Variants in GFM1 observed in about 807,000 individuals in gnomAD.
The protein encoded by GFM1 is G elongation factor mitochondrial 1.
Under a neutral mutation model 96.2 loss-of-function variants are expected in GFM1, and 62 were observed. The ratio of observed to expected loss-of-function variants is 0.64; its 90% CI spans 0.53 to 0.80. The LOEUF is 0.80. GFM1 is among the 30% of genes least tolerant of loss of function. The probability of loss-of-function intolerance (pLI) is 0.00; values close to 1 mark genes in which losing one functional copy is unlikely to be tolerated. For missense variants in GFM1, 852 were observed against 916.6 expected (o/e 0.93, Z 0.91); for synonymous variants, 282 against 312.9 (o/e 0.90, Z 1.04).
intron 11 of GFM1, among the ~76,000 whole-genome samples, chr3:158,663,757 CTG>C (rs1289180340): frequency 6.6e-6 from 1 of 152,174 alleles, no homozygotes; most frequent in Non-Finnish European, 1.5e-5. Context: ...AGGCATTTAA[CTG>C]TTGATAATTT....
intron 7 of GFM1, among the ~76,000 whole-genome samples, chr3:158,654,162 T>A (rs1447005353): frequency 6.6e-6 from 1 of 151,998 alleles, no homozygotes; most frequent in African/African-American, 2.4e-5. Context: ...TTAGTGTACT[T>A]TTGTCCTATC....
chr3:158,677,476 G>A (rs1252269809), intron 13 of GFM1, among the ~76,000 whole-genome samples: 3 of 152,208 alleles, frequency 2.0e-5, no homozygotes, highest in Non-Finnish European at 4.4e-5. Context: ...CGTTGATGAT[G>A]TTGGCTACAC....
rs73156455 is a variant in GFM1, at chr3:158,649,768, A to G, written c.689+611A>G. On this transcript the variant is annotated intron_variant, in intron 5 of 17. Coordinates refer to ENST00000486715, the MANE Select transcript of GFM1 (RefSeq NM_024996.7). ...TAGTTATCAAACCTTAGCGTTGTTC[A>G]TAACAATCCCCTGGAGACTTTGTTA... 82,565 of 488,606 alleles carry G rather than the reference A, an allele frequency of 0.17. 7,452 individuals are homozygous for G. The highest frequency in any genetic ancestry group is 0.22 in the South Asian group (6,188 of 27,696). 30.3% of individuals were successfully genotyped at this position (488,606 alleles called of 1,614,324 possible).
At chr3:158,661,080 T>A in intron 10 of GFM1, 105 bp downstream of exon 10, 1 of 853,702 alleles carries the variant, frequency 1.2e-6, no homozygotes, top group East Asian at 2.4e-5. Context: ...AAGTTTTCGT[T>A]GAGTACCACA....
rs1576803386 is a variant in GFM1 at position 158,693,390 on chromosome 3, T to A, written c.*1923T>A. On this transcript the variant is annotated 3_prime_UTR_variant, in exon 18 of 18. Coordinates refer to ENST00000486715, the MANE Select transcript of GFM1 (RefSeq NM_024996.7). ...TGGATAAATAAGTAAAAAACTTACT[T>A]ATTTTTAATTTGTAAAACATCCTGG... is the stretch of plus-strand genomic sequence containing the variant. 1 of 152,230 alleles carries A rather than the reference T, an allele frequency of 6.6e-6. No individual in the cohort carries two copies. The highest frequency in any genetic ancestry group is 2.4e-5 in the African/African-American group (1 of 41,448). 9.4% of individuals were successfully genotyped at this position (152,230 alleles called of 1,614,324 possible). A position where few individuals can be genotyped will look rare whatever the true frequency, so the allele number is the denominator to read the frequency against.
At chr3:158,645,000 C>A in intron 1 of GFM1, 1 of 321,788 alleles carries the variant, frequency 3.1e-6, no homozygotes, top group Non-Finnish European at 5.4e-6. Flanking sequence ...TTTTTTTTTG[C>A]CTCTCTTTTC....
Position 158,649,064 on chromosome 3 carries a change from C to T in GFM1, c.596C>T (p.Ala199Val), listed in dbSNP as rs145247687. ...AGGTCTAAACTAAATCATAATGCAGCGTTTATGCAGATACCCATGGGTTTG... is the reference window on the plus strand; with the variant it reads ...AGGTCTAAACTAAATCATAATGCAGTGTTTATGCAGATACCCATGGGTTTG... ...QMRSKLNHNAAFMQIPMGLEG... is the reference protein window; with the variant it reads ...QMRSKLNHNAVFMQIPMGLEG... Residue 199 changes from alanine to valine, a missense_variant, in exon 5 of 18, where the codon GCG becomes GTG. By Grantham distance (64) the Ala-to-Val change is moderately conservative. Transcript: ENST00000486715. The T allele has an allele frequency of 2.2e-4, 342 of 1,534,334 alleles. 4 individuals are homozygous for T. In the East Asian group the frequency reaches 7.2e-3, roughly 32 times the overall value.
intron 13 of GFM1, among the ~76,000 whole-genome samples, chr3:158,674,786 C>T (rs1415309720): frequency 6.6e-6 from 1 of 152,078 alleles, no homozygotes; most frequent in East Asian, 1.9e-4. Context: ...TGTAGCTCAC[C>T]TTTTCCTGTT....
At chr3:158,648,411 G>A (rs141626999) in intron 4 of GFM1, among the ~76,000 whole-genome samples, 14 of 152,130 alleles carry the variant, frequency 9.2e-5, no homozygotes, top group Admixed American at 7.2e-4. Context: ...GGGCGCGGTG[G>A]CTCACACCTG....
intron 1 of GFM1, among the ~76,000 whole-genome samples, chr3:158,645,239 A>G (rs1300183554): frequency 6.6e-6 from 1 of 152,212 alleles, no homozygotes. Flanking sequence ...GTCATCTGTG[A>G]ACTACAATAA....
chr3:158,665,228 T>A (rs1444851933), intron 11 of GFM1, 109 bp from the exon 12 acceptor site: 2 of 818,072 alleles, frequency 2.4e-6, no homozygotes, highest in African/African-American at 1.7e-5. Context: ...GTATCATTTT[T>A]ATTTCTTAAC....
intron 7 of GFM1, 115 bp from the exon 8 acceptor site, chr3:158,654,432 C>T: frequency 1.5e-6 from 1 of 665,162 alleles, no homozygotes. Flanking sequence ...TGTGTGACAG[C>T]AGTAATATCC....
At position 158,645,684 on chromosome 3, in the gene GFM1, T is replaced by A. The variant is rs770594695; in HGVS notation, c.137T>A (p.Ile46Lys). Residue 46 changes from isoleucine to lysine, a missense_variant, in exon 2 of 18, where the codon ATA becomes AAA. Physicochemically the swap from Ile to Lys is moderately radical, Grantham distance 102. Coordinates refer to ENST00000486715, the MANE Select transcript of GFM1 (RefSeq NM_024996.7). ...TCAGGGGTGATTCCTAATGAAAAAATACGAAATATTGGAATCTCAGCTCAC... is the reference window on the plus strand; with the variant it reads ...TCAGGGGTGATTCCTAATGAAAAAAAACGAAATATTGGAATCTCAGCTCAC... Reference protein sequence around the residue: ...SSSGVIPNEKIRNIGISAHID... With the variant: ...SSSGVIPNEKKRNIGISAHID... 11 of 1,612,246 alleles carry A rather than the reference T, an allele frequency of 6.8e-6. No individual in the cohort carries two copies. Among genetic ancestry groups the A allele is most frequent in the Non-Finnish European group, 9.3e-6 (11 of 1,178,298 alleles).
chr3:158,689,148 T>C (rs1339312571), intron 15 of GFM1, among the ~76,000 whole-genome samples: 2 of 152,264 alleles, frequency 1.3e-5, no homozygotes, highest in African/African-American at 4.8e-5. Flanking sequence ...GACGTTTTAT[T>C]ATATTCTCTC....
chr3:158,665,325 C>T lies in GFM1; in HGVS notation c.1381-12C>T. Reference sequence around the variant, plus strand: ...CAGTAAAACATATAGTGACTTTCTTCTTCTTTTAAAGAACGATCTGGAAAA... The same window carrying T: ...CAGTAAAACATATAGTGACTTTCTTTTTCTTTTAAAGAACGATCTGGAAAA... On this transcript the variant is annotated splice_polypyrimidine_tract_variant and intron_variant, in intron 11 of 17. Transcript: ENST00000486715. 6.2e-7 allele frequency: 1 copy of T among 1,600,226 alleles called. No homozygotes were observed.
intron 13 of GFM1, chr3:158,669,225 G>A (rs972883154): frequency 3.0e-6 from 4 of 1,354,912 alleles, no homozygotes; most frequent in Non-Finnish European, 4.0e-6. Context: ...AGTTTCCTTC[G>A]AATGTTGTGC....
intron 13 of GFM1, among the ~76,000 whole-genome samples, chr3:158,678,475 C>T (rs567170885): frequency 6.6e-6 from 1 of 152,232 alleles, no homozygotes; most frequent in African/African-American, 2.4e-5. Context: ...TTCCAACCCT[C>T]ATGGATGACT....
At chr3:158,677,502 C>G (rs1163240578) in intron 13 of GFM1, among the ~76,000 whole-genome samples, 1 of 152,104 alleles carries the variant, frequency 6.6e-6, no homozygotes, top group Non-Finnish European at 1.5e-5. Flanking sequence ...AACAGATTTT[C>G]TTTTTTCTTT....
At chr3:158,664,783 G>A (rs972092852) in intron 11 of GFM1, among the ~76,000 whole-genome samples, 3 of 152,136 alleles carry the variant, frequency 2.0e-5, no homozygotes, top group African/African-American at 7.2e-5. Context: ...GAGGATTAGG[G>A]TATCTTTGGA....
Sources: allele counts gnomAD v4.1 joint callset (sites outside exome capture counted in the v4.1 genomes callset), GRCh38; gene constraint gnomAD v4.1.1; transcripts MANE v1.5; gene names NCBI Gene and HGNC (gene_info 2026-07-23, HGNC 2026-07-21).